The following MAPK8IP3 variants were observed in gnomAD, a reference collection of about 807,000 sequenced individuals.
MAPK8IP3 encodes C-Jun-amino-terminal kinase-interacting protein 3.
A neutral mutation model predicts 157.8 loss-of-function variants in MAPK8IP3; 49 were observed. The observed-to-expected ratio is 0.31, with a 90% CI of 0.25 to 0.39. MAPK8IP3 has a LOEUF of 0.39. MAPK8IP3 is among the 10% of genes least tolerant of loss of function. The pLI, the probability that MAPK8IP3 is intolerant of heterozygous loss-of-function variation, is 1.00. For synonymous variants in MAPK8IP3, 897 were observed against 777.7 expected (o/e 1.15, Z -2.55); for missense variants, 1,478 against 1,889.4 (o/e 0.78, Z 4.04).
chr16:1,746,612 G>A (rs543263364), intron 5 of MAPK8IP3: 52 of 200,890 alleles, frequency 2.6e-4, no homozygotes, highest in African/African-American at 1.1e-3. Context: ...CAGCGGTGGC[G>A]GCACAGCCAG....
At chr16:1,732,963 C>A (rs60095937) in intron 4 of MAPK8IP3, among the ~76,000 whole-genome samples, 6,769 of 152,352 alleles carry the variant, frequency 0.044, 238 homozygotes, top group East Asian at 0.12. Context: ...TCAGATCCCA[C>A]AGTGGGAGAT....
At chr16:1,714,315 A>C (rs993347607) in intron 1 of MAPK8IP3, 1 of 146,260 alleles carries the variant, frequency 6.8e-6, no homozygotes, top group Non-Finnish European at 1.5e-5. Context: ...AGTGAAACCC[A>C]GAGACTAGAA....
At chr16:1,737,324 G>T (rs1187471054) in intron 4 of MAPK8IP3, among the ~76,000 whole-genome samples, 1 of 104,816 alleles carries the variant, frequency 9.5e-6, no homozygotes, top group South Asian at 4.6e-4. Context: ...GACCGTCCGT[G>T]TGAGCATCCG....
At chr16:1,739,851 C>T (rs553313954) in intron 4 of MAPK8IP3, among the ~76,000 whole-genome samples, 63 of 100,392 alleles carry the variant, frequency 6.3e-4, no homozygotes, top group African/African-American at 1.2e-3. Flanking sequence ...TGTGAGCATC[C>T]GTGTGACCGT....
intron 4 of MAPK8IP3, among the ~76,000 whole-genome samples, chr16:1,738,060 G>C (rs1296050182): frequency 2.2e-5 from 2 of 92,712 alleles, no homozygotes; most frequent in Non-Finnish European, 4.2e-5. Context: ...CCGTGTGAGT[G>C]TGTGACCATC....
chr16:1,752,451 A>C, intron 8 of MAPK8IP3: 1 of 352,854 alleles, frequency 2.8e-6, no homozygotes, highest in South Asian at 2.1e-5. Context: ...GCGTATAAGA[A>C]AGGCAGGGAG....
At chr16:1,765,217 T>C in intron 20 of MAPK8IP3, 39 bp downstream of exon 20, 1 of 1,557,404 alleles carries the variant, frequency 6.4e-7, no homozygotes, top group Non-Finnish European at 8.7e-7. Flanking sequence ...CGGGCGCCAC[T>C]CCCTTTTACT....
chr16:1,708,605 C>G (rs1031858898), intron 1 of MAPK8IP3, among the ~76,000 whole-genome samples: 12 of 152,202 alleles, frequency 7.9e-5, no homozygotes, highest in Admixed American at 6.5e-5. Context: ...GTGAGTGCAT[C>G]TGCCCTCCCC....
intron 4 of MAPK8IP3, among the ~76,000 whole-genome samples, chr16:1,735,727 C>A (rs1488769436): frequency 1.6e-5 from 2 of 122,028 alleles, no homozygotes; most frequent in Admixed American, 8.7e-5. Context: ...GTGTGACCGT[C>A]CATGTGAGAG....
chr16:1,726,927 A>G (rs907608112), intron 2 of MAPK8IP3, among the ~76,000 whole-genome samples: 1 of 152,164 alleles, frequency 6.6e-6, no homozygotes, highest in African/African-American at 2.4e-5. Context: ...AGCCAGTTAC[A>G]TGTGTGCAGC....
chr16:1,760,170 T>C, intron 11 of MAPK8IP3, 155 bp downstream of exon 11: 3 of 991,578 alleles, frequency 3.0e-6, no homozygotes, highest in South Asian at 1.5e-5. Flanking sequence ...AGCAGGACTC[T>C]GCCTGGTTTC....
intron 2 of MAPK8IP3, among the ~76,000 whole-genome samples, chr16:1,725,149 T>TTTA (rs71145429): frequency 0.17 from 24,275 of 144,350 alleles, 2,131 homozygotes; most frequent in African/African-American, 0.2. Flanking sequence ...GCAGAAAGGG[T>TTTA]TTATTATTAT....
intron 1 of MAPK8IP3, among the ~76,000 whole-genome samples, chr16:1,718,839 A>T (rs1278391333): frequency 6.6e-6 from 1 of 151,410 alleles, no homozygotes; most frequent in Non-Finnish European, 1.5e-5. Context: ...CCATCAGAGG[A>T]CTCTTCACTT....
intron 4 of MAPK8IP3, among the ~76,000 whole-genome samples, chr16:1,737,558 C>T (rs576960214): frequency 4.2e-5 from 4 of 94,248 alleles, no homozygotes; most frequent in Non-Finnish European, 8.2e-5. Context: ...GTGTGACCAT[C>T]CATGTGAGCA....
At chr16:1,759,064 C>T (rs995741327) in intron 10 of MAPK8IP3, 69 bp downstream of exon 10, 10 of 1,597,492 alleles carry the variant, frequency 6.3e-6, no homozygotes, top group East Asian at 2.2e-5. Context: ...CTTCATGAGC[C>T]GTTTGCTTTG....
At position 1,768,835 on chromosome 16, in the gene MAPK8IP3, C is replaced by T. The variant is rs1405143350; in HGVS notation, c.*11C>T. 8.9e-5 allele frequency: 144 copies of T among 1,611,370 alleles called. No homozygotes were observed. The highest frequency in any genetic ancestry group is 1.2e-4 in the Non-Finnish European group (144 of 1,179,624). On this transcript the variant is annotated 3_prime_UTR_variant, in exon 32 of 32. Transcript: ENST00000610761. ...TACACCCCCGAGTGAAGCTGCTGCC[C>T]TGCCTGGCCCGACCTGTACATAGGA...
Position 1,760,457 on chromosome 16 carries a change from G to T in MAPK8IP3, c.1382G>T (p.Gly461Val), listed in dbSNP as rs753731311. ...TCCGGGGAGCAGGAGGTGCTGAGGGGCGAGTTGGAGGCTGCTAAGCAGGCC... is the reference window on the plus strand; with the variant it reads ...TCCGGGGAGCAGGAGGTGCTGAGGGTCGAGTTGGAGGCTGCTAAGCAGGCC... Reference protein sequence around the residue: ...QLSGEQEVLRGELEAAKQAKV... With the variant: ...QLSGEQEVLRVELEAAKQAKV... The change falls in exon 12 of 32, where the codon GGC (glycine) becomes GTC (valine). Residue 461 changes from glycine (G) to valine (V), a missense_variant. Gly to Val is a moderately radical substitution (Grantham distance 109). This residue lies in a region of MAPK8IP3 where 96 missense variants were observed against 106.3 expected (regional missense o/e 0.90). Transcript: ENST00000610761. 19 of 1,613,912 alleles carry T rather than the reference G, an allele frequency of 1.2e-5. No homozygotes were observed. Among genetic ancestry groups the T allele is most frequent in the Non-Finnish European group, 1.6e-5 (19 of 1,179,972 alleles).
Position 1,764,104 on chromosome 16 carries a change from G to C in MAPK8IP3, c.2026-11G>C, listed in dbSNP as rs1231741779. 1 of 1,600,584 alleles carries C rather than the reference G, an allele frequency of 6.2e-7. No individual in the cohort carries two copies. The highest frequency in any genetic ancestry group is 8.5e-7 in the Non-Finnish European group (1 of 1,173,402). Reference sequence around the variant, plus strand: ...GGGTTCGTGCCCACGGCGCCTCCCTGCTCCCTGCAGCTGAGTCCCAACGGG... The same window carrying C: ...GGGTTCGTGCCCACGGCGCCTCCCTCCTCCCTGCAGCTGAGTCCCAACGGG... On this transcript the variant is annotated splice_polypyrimidine_tract_variant and intron_variant, in intron 17 of 31. Coordinates refer to ENST00000610761, the MANE Select transcript of MAPK8IP3 (RefSeq NM_001318852.2).
intron 8 of MAPK8IP3, among the ~76,000 whole-genome samples, chr16:1,752,764 A>T (rs892255986): frequency 6.6e-6 from 1 of 151,804 alleles, no homozygotes; most frequent in African/African-American, 2.4e-5. Context: ...AAAAAAAAAA[A>T]AAAGAGAGAA....
Sources: gnomAD v4.1 joint callset for allele counts (sites outside exome capture counted in the v4.1 genomes callset) on GRCh38, gnomAD v4.1.1 for gene constraint, gnomAD v4.1.1 regional missense constraint, MANE v1.5 for transcripts, NCBI Gene and HGNC (gene_info 2026-07-23, HGNC 2026-07-21) for gene names.